The following SOX6 variants were observed in gnomAD, a reference collection of about 807,000 sequenced individuals.
SOX6 encodes the protein transcription factor SOX-6.
SOX6 carries 11 observed loss-of-function variants against 97.8 expected under a neutral mutation model. The observed-to-expected ratio is 0.11, with a 90% CI of 0.07 to 0.19. The LOEUF is 0.19. Among genes scored for constraint, SOX6 ranks in the 10% least tolerant of loss-of-function variants. The pLI, the probability that SOX6 is intolerant of heterozygous loss-of-function variation, is 1.00. For missense variants in SOX6, 810 were observed against 1,039.5 expected (o/e 0.78, Z 3.04); for synonymous variants, 360 against 371.4 (o/e 0.97, Z 0.35).
intron 12 of SOX6, among the ~76,000 whole-genome samples, chr11:16,025,171 C>T (rs552667438): frequency 6.6e-6 from 1 of 152,170 alleles, no homozygotes; most frequent in South Asian, 2.1e-4. Context: ...TTTGCAACTC[C>T]CAAGTAGAGT....
At chr11:15,977,281 G>A (rs975214857) in intron 15 of SOX6, among the ~76,000 whole-genome samples, 13 of 151,922 alleles carry the variant, frequency 8.6e-5, no homozygotes, top group African/African-American at 3.1e-4. Flanking sequence ...TGATAATCTG[G>A]GCCCCTCCCT....
At chr11:16,592,765 T>G (rs191055938) in intron 4 of SOX6, among the ~76,000 whole-genome samples, 1 of 152,108 alleles carries the variant, frequency 6.6e-6, no homozygotes, top group African/African-American at 2.4e-5. Flanking sequence ...AAAAGAAGAA[T>G]AACAGCCCAA....
At chr11:16,451,384 G>A (rs560893433) in intron 1 of SOX6, among the ~76,000 whole-genome samples, 7 of 152,158 alleles carry the variant, frequency 4.6e-5, no homozygotes, top group African/African-American at 7.2e-5. Flanking sequence ...ATTCTCATTC[G>A]TCTAATGAGC....
At chr11:16,132,309 AGGAAGGAAGGAAGGAAGGAAG>A (rs1849773167) in intron 6 of SOX6, among the ~76,000 whole-genome samples, 5 of 131,366 alleles carry the variant, frequency 3.8e-5, no homozygotes, top group East Asian at 2.2e-4. Context: ...GAAGGAAGGA[AGGAAGGAAGGAAGGAAGGAAG>A]GAAAGAAAAA....
intron 4 of SOX6, among the ~76,000 whole-genome samples, chr11:16,498,585 A>G (rs1448787632): frequency 1.3e-5 from 2 of 152,198 alleles, no homozygotes; most frequent in Non-Finnish European, 2.9e-5. Flanking sequence ...AGAGACACAC[A>G]TAGGCTCAAA....
intron 3 of SOX6, among the ~76,000 whole-genome samples, chr11:16,644,757 T>C (rs948273206): frequency 6.6e-6 from 1 of 152,204 alleles, no homozygotes; most frequent in Non-Finnish European, 1.5e-5. Flanking sequence ...TAGGAGTCCA[T>C]AGTATCTATA....
chr11:16,278,577 A>C (rs538481149), intron 3 of SOX6, among the ~76,000 whole-genome samples: 2 of 152,238 alleles, frequency 1.3e-5, no homozygotes, highest in East Asian at 3.9e-4. Context: ...TTCCAAGTGA[A>C]AACTAAATCA....
intron 6 of SOX6, among the ~76,000 whole-genome samples, chr11:16,164,567 TAATCCCAGC>T (rs1850834559): frequency 6.6e-6 from 1 of 152,168 alleles, no homozygotes; most frequent in Non-Finnish European, 1.5e-5. Context: ...CTCACGCCTG[TAATCCCAGC>T]AATTTGGGAG....
intron 3 of SOX6, chr11:16,317,911 G>T (rs1336784812): frequency 2.2e-6 from 1 of 448,510 alleles, no homozygotes; most frequent in Non-Finnish European, 4.5e-6. Flanking sequence ...AGAGAAGGTA[G>T]ATGTGGGATG....
intron 6 of SOX6, among the ~76,000 whole-genome samples, chr11:16,156,544 T>A (rs1850603301): frequency 6.6e-6 from 1 of 151,986 alleles, no homozygotes; most frequent in South Asian, 2.1e-4. Flanking sequence ...ATTCAGCATG[T>A]CAAAAATAAA....
intron 11 of SOX6, among the ~76,000 whole-genome samples, chr11:16,047,660 T>G (rs1038507940): frequency 2.0e-5 from 3 of 151,932 alleles, no homozygotes; most frequent in East Asian, 3.9e-4. Flanking sequence ...CAAATGTTAG[T>G]GTGATCCACT....
chr11:16,465,703 T>G (rs1436048148), intron 1 of SOX6: 1 of 152,174 alleles, frequency 6.6e-6, no homozygotes, highest in Non-Finnish European at 1.5e-5. Context: ...AAACATACCT[T>G]TTGTTGTGCT....
At chr11:16,078,429 T>C (rs763882150) in intron 9 of SOX6, among the ~76,000 whole-genome samples, 63 of 152,352 alleles carry the variant, frequency 4.1e-4, no homozygotes, top group South Asian at 1.7e-3. Context: ...ACATATATTT[T>C]AGTACATGTG....
chr11:16,533,952 G>A (rs1432783890), intron 4 of SOX6, among the ~76,000 whole-genome samples: 1 of 152,016 alleles, frequency 6.6e-6, no homozygotes, highest in Non-Finnish European at 1.5e-5. Flanking sequence ...TTTGTCTTGT[G>A]TGCACCTTAC....
At chr11:16,141,509 C>T (rs1850139544) in intron 6 of SOX6, among the ~76,000 whole-genome samples, 1 of 152,118 alleles carries the variant, frequency 6.6e-6, no homozygotes, top group African/African-American at 2.4e-5. Context: ...GCTTGTCGGA[C>T]AGTGGGTGCA....
chr11:16,442,660 T>C (rs1040012831), intron 1 of SOX6, among the ~76,000 whole-genome samples: 6 of 152,116 alleles, frequency 3.9e-5, no homozygotes, highest in Non-Finnish European at 8.8e-5. Flanking sequence ...TAGCAAAGTA[T>C]AAGAAAATTC....
At chr11:16,687,588 A>T (rs1024152169) in intron 3 of SOX6, among the ~76,000 whole-genome samples, 1 of 152,164 alleles carries the variant, frequency 6.6e-6, no homozygotes, top group Non-Finnish European at 1.5e-5. Context: ...CCCGGCCTGA[A>T]TCTTTAGCTT....
At chr11:16,236,306 G>A (rs1853020209) in intron 3 of SOX6, among the ~76,000 whole-genome samples, 1 of 151,750 alleles carries the variant, frequency 6.6e-6, no homozygotes, top group Non-Finnish European at 1.5e-5. Context: ...TATATATTTT[G>A]TTCTATACTT....
chr11:15,984,283 T>A (rs1193872103), intron 15 of SOX6, among the ~76,000 whole-genome samples: 2 of 152,180 alleles, frequency 1.3e-5, no homozygotes, highest in Admixed American at 1.3e-4. Flanking sequence ...GGAACTAAAT[T>A]CAATAGTATT....
Sources: allele counts gnomAD v4.1 joint callset (sites outside exome capture counted in the v4.1 genomes callset), GRCh38; gene constraint gnomAD v4.1.1; transcripts MANE v1.5; gene names NCBI Gene and HGNC (gene_info 2026-07-23, HGNC 2026-07-21).